Variants in BCL2L13 observed in about 807,000 individuals in gnomAD.
BCL2L13 encodes the protein bcl-2-like protein 13.
Under a neutral mutation model 25.8 loss-of-function variants are expected in BCL2L13, and 13 were observed. The observed-to-expected ratio is 0.50, with a 90% CI of 0.33 to 0.80. BCL2L13 has a LOEUF of 0.80. Among genes scored for constraint, BCL2L13 ranks in the 30% least tolerant of loss-of-function variants. The pLI is 0.02. For synonymous variants in BCL2L13, 244 were observed against 230.3 expected, an observed-to-expected ratio of 1.06 and a Z score of -0.54; for missense variants, 504 against 574.9, an observed-to-expected ratio of 0.88 and a Z score of 1.26.
At chr22:17,662,712 A>G (rs1601565400) in intron 2 of BCL2L13, among the ~76,000 whole-genome samples, 3 of 151,702 alleles carry the variant, frequency 2.0e-5, no homozygotes, top group Non-Finnish European at 4.4e-5. Context: ...CCAGCTACTC[A>G]GGAGGCTGAG....
upstream of BCL2L13, chr22:17,638,560 TGA>T: frequency 4.2e-6 from 3 of 712,068 alleles, no homozygotes; most frequent in Non-Finnish European, 5.8e-6. Context: ...GGAAATGATC[TGA>T]GAGACGGAAC....
At chr22:17,682,992 G>C (rs904723837) in intron 2 of BCL2L13, among the ~76,000 whole-genome samples, 1 of 152,070 alleles carries the variant, frequency 6.6e-6, no homozygotes, top group Non-Finnish European at 1.5e-5. Context: ...AATTAGCCAG[G>C]CGTGGTGGCA....
rs186996573 is a variant in BCL2L13, at chr22:17,686,785, C to A, written c.230-2201C>A. ...CGGCCTCCCAAAGTGCTGGGATTACCGGTGTGAAACACTGTGCCCGACCAT... is the reference window on the plus strand; with the variant it reads ...CGGCCTCCCAAAGTGCTGGGATTACAGGTGTGAAACACTGTGCCCGACCAT... On this transcript the variant is annotated intron_variant, in intron 3 of 6. Transcript: ENST00000317582. 5.1e-3 allele frequency among the ~76,000 whole-genome samples: 770 copies of A among 152,116 alleles called. 4 individuals are homozygous for A. The highest frequency in any genetic ancestry group is 0.016 in the African/African-American group (669 of 41,524).
intron 3 of BCL2L13, among the ~76,000 whole-genome samples, chr22:17,683,979 C>G (rs1404752163): frequency 6.6e-6 from 1 of 151,494 alleles, no homozygotes; most frequent in Admixed American, 6.6e-5. Context: ...CTGGCCTGTT[C>G]CCTTGTTATT....
At position 17,727,685 on chromosome 22, in the gene BCL2L13, T is replaced by C; in HGVS notation, c.*151T>C. Reference sequence around the variant, plus strand: ...CATGGCAGTGGCATGTTAGGCATGTTAGGGCTTGAGGTGGGGCATTCACAT... The same window carrying C: ...CATGGCAGTGGCATGTTAGGCATGTCAGGGCTTGAGGTGGGGCATTCACAT... On this transcript the variant is annotated 3_prime_UTR_variant, in exon 7 of 7. Transcript: ENST00000317582. 2 of 1,069,818 alleles carry C rather than the reference T, an allele frequency of 1.9e-6. No individual in the cohort carries two copies. Among genetic ancestry groups the C allele is most frequent in the South Asian group, 3.1e-5 (2 of 63,724 alleles). 66.3% of individuals were successfully genotyped at this position (1,069,818 alleles called of 1,614,324 possible).
chr22:17,702,493 C>T (rs2060468006), intron 6 of BCL2L13, 107 bp downstream of exon 6: 1 of 1,086,376 alleles, frequency 9.2e-7, no homozygotes, highest in Admixed American at 3.6e-5. Flanking sequence ...AGTGCAGTGT[C>T]TAATTGCTGG....
intron 2 of BCL2L13, among the ~76,000 whole-genome samples, chr22:17,659,850 CTTATT>C (rs1475912219): frequency 6.9e-6 from 1 of 145,630 alleles, no homozygotes; most frequent in Non-Finnish European, 1.6e-5. Flanking sequence ...TTTATTTATT[CTTATT>C]TTTATTTATT....
chr22:17,646,733 T>TTTC (rs2058486953), intron 1 of BCL2L13, among the ~76,000 whole-genome samples: 1 of 132,492 alleles, frequency 7.5e-6, no homozygotes, highest in East Asian at 2.1e-4. Context: ...TTTTTTTTTT[T>TTTC]TTTTGAGATA....
chr22:17,629,840 C>CAG (rs1290237555), intron 1 of BCL2L13, among the ~76,000 whole-genome samples: 3 of 151,968 alleles, frequency 2.0e-5, no homozygotes, highest in Non-Finnish European at 4.4e-5. Context: ...CACACACACA[C>CAG]ACACACACTT....
At chr22:17,706,329 GTT>G (rs945929302) in intron 6 of BCL2L13, among the ~76,000 whole-genome samples, 5 of 136,274 alleles carry the variant, frequency 3.7e-5, no homozygotes, top group Non-Finnish European at 1.6e-5. Flanking sequence ...TTTCTACCTT[GTT>G]TTTTTTTTTT....
At chr22:17,664,139 G>A (rs1330912599) in intron 2 of BCL2L13, among the ~76,000 whole-genome samples, 8 of 152,024 alleles carry the variant, frequency 5.3e-5, no homozygotes, top group Non-Finnish European at 7.4e-5. Flanking sequence ...GTGAGCCACC[G>A]CGCCCAGCCA....
At chr22:17,683,103 A>C in intron 2 of BCL2L13, 111 bp from the exon 3 acceptor site, 2 of 603,862 alleles carry the variant, frequency 3.3e-6, no homozygotes, top group East Asian at 3.3e-5. Flanking sequence ...ATTGCACTCC[A>C]GCCCCAGTGA....
chr22:17,646,191 C>G (rs894834721), intron 1 of BCL2L13, among the ~76,000 whole-genome samples: 1 of 151,466 alleles, frequency 6.6e-6, no homozygotes, highest in Non-Finnish European at 1.5e-5. Flanking sequence ...CAGAAAGAAA[C>G]AGGTGGGTTA....
chr22:17,694,361 C>A (rs535161672), intron 4 of BCL2L13, among the ~76,000 whole-genome samples: 102 of 152,078 alleles, frequency 6.7e-4, no homozygotes, highest in Middle Eastern at 3.4e-3. Context: ...ACCCTTGTAT[C>A]ATAACACTCC....
intron 1 of BCL2L13, chr22:17,629,016 G>A (rs2057947493): frequency 4.1e-6 from 1 of 244,508 alleles, no homozygotes; most frequent in African/African-American, 2.2e-5. Flanking sequence ...GTATATTGGA[G>A]AATGTGCCTT....
At position 17,669,030 on chromosome 22, in the gene BCL2L13, C is replaced by CTTTTTTT. The variant is rs537315017; in HGVS notation, c.121+13212_121+13218dup. On this transcript the variant is annotated intron_variant, in intron 2 of 6. Coordinates refer to ENST00000317582, the MANE Select transcript of BCL2L13 (RefSeq NM_015367.4). ...AAGTTTATTTGGCTCCTGTTTCTTT[C>CTTTTTTT]TTTTTTTTTTTTTTTTTTTTGAGAC... Among the ~76,000 whole-genome samples, 184 of 111,822 alleles carry CTTTTTTT rather than the reference C, an allele frequency of 1.6e-3. 1 individual carries two copies. The highest frequency in any genetic ancestry group is 2.1e-3 in the African/African-American group (60 of 29,136). The allele number at this position is 111,822 out of a possible 152,430, so 73.4% of individuals were successfully genotyped here. A position where few individuals can be genotyped will look rare whatever the true frequency, so the allele number is the denominator to read the frequency against.
At chr22:17,633,651 A>C (rs1455712003), upstream of BCL2L13, among the ~76,000 whole-genome samples, 1 of 152,212 alleles carries the variant, frequency 6.6e-6, no homozygotes, top group Non-Finnish European at 1.5e-5. Flanking sequence ...AGGAGGACAA[A>C]GCGCGAAAGA....
chr22:17,689,085 A>T lies in BCL2L13; in HGVS notation c.329A>T (p.Lys110Ile). Reference protein sequence around the residue: ...MEDCLAHLGEKVSQELKEPLH... With the variant: ...MEDCLAHLGEIVSQELKEPLH... ...GACTGCTTGGCCCATCTTGGAGAAA[A>T]AGTGTCCCAGGAACTGAAAGAGCCT... The change falls in exon 4 of 7, where the codon AAA (lysine) becomes ATA (isoleucine). Residue 110 changes from lysine (K) to isoleucine (I), a missense_variant. Coordinates refer to ENST00000317582, the MANE Select transcript of BCL2L13 (RefSeq NM_015367.4). The T allele has an allele frequency of 1.2e-6, 2 of 1,614,094 alleles. No homozygotes were observed. The highest frequency in any genetic ancestry group is 1.7e-6 in the Non-Finnish European group (2 of 1,180,022).
chr22:17,631,660 GTGTGTGTGTGTATA>G (rs1367676393), intron 1 of BCL2L13, among the ~76,000 whole-genome samples: 1 of 6,392 alleles, frequency 1.6e-4, no homozygotes, highest in African/African-American at 9.1e-4. Flanking sequence ...GTGTATGTAT[GTGTGTGTGTGTATA>G]TATATATATA....
Sources: allele counts gnomAD v4.1 joint callset (sites outside exome capture counted in the v4.1 genomes callset), GRCh38; gene constraint gnomAD v4.1.1; transcripts MANE v1.5; gene names NCBI Gene and HGNC (gene_info 2026-07-23, HGNC 2026-07-21).